Variants in RTN1 observed in about 807,000 individuals in gnomAD.
The protein encoded by RTN1 is reticulon 1.
In RTN1, 25 loss-of-function variants were observed where a neutral mutation model predicts 65.5. The ratio of observed to expected loss-of-function variants is 0.38; its 90% confidence interval spans 0.28 to 0.53. RTN1 has a LOEUF of 0.53. Ranked by LOEUF, RTN1 falls within the 20% of genes least tolerant of loss-of-function variation. The pLI is 0.79. For synonymous variants in RTN1, 471 were observed against 447.6 expected, an observed-to-expected ratio of 1.05 and a Z score of -0.66; for missense variants, 983 against 1,025.4, an observed-to-expected ratio of 0.96 and a Z score of 0.57.
At chr14:59,682,904 A>T (rs1229472212) in intron 3 of RTN1, among the ~76,000 whole-genome samples, 4 of 152,152 alleles carry the variant, frequency 2.6e-5, no homozygotes, top group African/African-American at 9.7e-5. Flanking sequence ...CTTACTTATG[A>T]GGTTATTCAG....
In RTN1 at chr14:59,646,384, A is replaced by G. The variant is rs529637901; in HGVS notation, c.1766-38892T>C. Among the ~76,000 whole-genome samples, 19 of 152,338 alleles carry G rather than the reference A, an allele frequency of 1.2e-4. No individual in the cohort carries two copies. The South Asian group carries it at 3.9e-3, about 32-fold the overall frequency. On this transcript the variant is annotated intron_variant, in intron 3 of 8. Coordinates refer to ENST00000267484, the MANE Select transcript of RTN1 (RefSeq NM_021136.3). ...GGGGAAAGCAAACAACTTGGAAAAC[A>G]TATTTCAGGATATCTTCTGTGAAAA...
chr14:59,767,555 C>G (rs559784256), intron 1 of RTN1, among the ~76,000 whole-genome samples: 1 of 152,130 alleles, frequency 6.6e-6, no homozygotes, highest in South Asian at 2.1e-4. Flanking sequence ...CTAACCAATA[C>G]AGCATGCAAA....
chr14:59,608,287 C>T (rs1264542853), intron 3 of RTN1, among the ~76,000 whole-genome samples: 1 of 152,152 alleles, frequency 6.6e-6, no homozygotes, highest in Non-Finnish European at 1.5e-5. Flanking sequence ...TGCAAAATTC[C>T]CATCTCACAA....
Position 59,727,309 on chromosome 14 carries a change from C to A in RTN1, c.1375G>T (p.Glu459Ter). Residue 459 changes from glutamate to a stop codon, truncating the protein, a stop_gained, in exon 3 of 9, where the codon GAG becomes TAG. Coordinates refer to ENST00000267484, the MANE Select transcript of RTN1 (RefSeq NM_021136.3). LOFTEE classifies it high-confidence loss of function. This position sits in a 1 kb window ranked among gnomAD's most constrained non-coding sequence, Gnocchi z 4.2. ...ATGAGCTCGCTGTCCAGCTCGGCCT[C>A]GCGCTCCTCCCTCAGGATGCTGTAC... ...IQYSILREER[E>*]AELDSELIIE... The A allele has an allele frequency of 6.7e-7, 1 of 1,494,718 alleles. No homozygotes were observed. The highest frequency in any genetic ancestry group is 8.9e-7 in the Non-Finnish European group (1 of 1,121,644). The allele number at this position is 1,494,718 out of a possible 1,614,324, so 92.6% of individuals were successfully genotyped here. A position where few individuals can be genotyped will look rare whatever the true frequency, so the allele number is the denominator to read the frequency against.
chr14:59,708,076 T>A (rs144132896), intron 3 of RTN1, among the ~76,000 whole-genome samples: 98 of 152,294 alleles, frequency 6.4e-4, no homozygotes, highest in Non-Finnish European at 1.2e-3. Context: ...AACATACAGA[T>A]GAAAAATGAA....
chr14:59,746,280 G>A lies in RTN1; in HGVS notation c.443C>T (p.Pro148Leu), dbSNP rs1566709310. 3.7e-6 allele frequency: 6 copies of A among 1,613,434 alleles called. No homozygotes were observed. The South Asian group carries it at 4.4e-5, about 12-fold the overall frequency. The stretch of plus-strand genomic sequence containing the variant: ...TATCCCAGGCACATCTGGTAAGGAG[G>A]GGCCGGGTGTACCCAGCTCCTCAGG... ...ESPEELGTPG[P>L]SLPDVPGIES... The change falls in exon 2 of 9, where the codon CCC becomes CTC. Residue 148 changes from proline to leucine, a missense_variant. Coordinates refer to ENST00000267484, the MANE Select transcript of RTN1 (RefSeq NM_021136.3).
intron 3 of RTN1, among the ~76,000 whole-genome samples, chr14:59,694,881 A>T (rs1884031055): frequency 6.6e-6 from 1 of 152,190 alleles, no homozygotes; most frequent in Non-Finnish European, 1.5e-5. Context: ...AGAAACTCAC[A>T]TATAAACTGG....
chr14:59,696,466 T>A (rs1227359907), intron 3 of RTN1, among the ~76,000 whole-genome samples: 1 of 98,574 alleles, frequency 1.0e-5, no homozygotes, highest in Non-Finnish European at 2.2e-5. Flanking sequence ...GGATTTTAAT[T>A]ACTTTTTTTT....
At chr14:59,609,214 G>A (rs1881866496) in intron 3 of RTN1, among the ~76,000 whole-genome samples, 1 of 151,920 alleles carries the variant, frequency 6.6e-6, no homozygotes, top group South Asian at 2.1e-4. Context: ...GAACCCAGGA[G>A]GCAGAGGTTG....
At chr14:59,796,360 C>T (rs554756263) in intron 1 of RTN1, among the ~76,000 whole-genome samples, 1 of 152,166 alleles carries the variant, frequency 6.6e-6, no homozygotes, top group Non-Finnish European at 1.5e-5. Flanking sequence ...AACGTAGCCC[C>T]GTGCTTAATG....
At position 59,749,350 on chromosome 14, in the gene RTN1, ATATATATC is replaced by A. The variant is rs1166941937; in HGVS notation, c.242-2877_242-2870del. Among the ~76,000 whole-genome samples, 436 of 67,414 alleles carry A rather than the reference ATATATATC, an allele frequency of 6.5e-3. 133 individuals are homozygous for A. The highest frequency in any genetic ancestry group is 0.044 in the African/African-American group (413 of 9,302). The allele number at this position is 67,414 out of a possible 152,430, so 44.2% of individuals were successfully genotyped here. Reference sequence around the variant, plus strand: ...TATCTATATATATCTATATATATCTATATATATCTATATATATATCTATATATCTATAT... The same window carrying A: ...TATCTATATATATCTATATATATCTATATATATATATCTATATATCTATAT... On this transcript the variant is annotated intron_variant, in intron 1 of 8. Transcript: ENST00000267484.
At chr14:59,842,041 G>A (rs1439952721) in intron 1 of RTN1, among the ~76,000 whole-genome samples, 2 of 151,126 alleles carry the variant, frequency 1.3e-5, no homozygotes, top group Admixed American at 1.3e-4. Flanking sequence ...CAAGAAAATC[G>A]CTTGAACCCG....
chr14:59,745,452 T>A (rs558144896), intron 2 of RTN1, among the ~76,000 whole-genome samples: 1 of 151,400 alleles, frequency 6.6e-6, no homozygotes, highest in Non-Finnish European at 1.5e-5. Flanking sequence ...ACATCTCCCC[T>A]CAAATAAAGA....
chr14:59,611,982 G>A (rs1366966880), intron 3 of RTN1, among the ~76,000 whole-genome samples: 1 of 152,152 alleles, frequency 6.6e-6, no homozygotes, highest in Non-Finnish European at 1.5e-5. Context: ...GTGACTATCT[G>A]CTTTTTGCCT....
At chr14:59,740,178 TATC>T (rs61042105) in intron 2 of RTN1, among the ~76,000 whole-genome samples, 16,219 of 152,214 alleles carry the variant, frequency 0.11, 950 homozygotes, top group South Asian at 0.26. Context: ...GTTTGTTCAT[TATC>T]ATATCCTTGC....
At chr14:59,719,731 A>G (rs925537709) in intron 3 of RTN1, among the ~76,000 whole-genome samples, 4 of 152,222 alleles carry the variant, frequency 2.6e-5, no homozygotes, top group African/African-American at 9.6e-5. Flanking sequence ...CCCAGACTTC[A>G]GAGGGAAGTA....
chr14:59,673,958 A>G (rs1883565894), intron 3 of RTN1, among the ~76,000 whole-genome samples: 1 of 152,302 alleles, frequency 6.6e-6, no homozygotes, highest in African/African-American at 2.4e-5. Context: ...ATATATCCCT[A>G]GTTTTACTTG....
At chr14:59,720,770 T>C (rs1290045338) in intron 3 of RTN1, among the ~76,000 whole-genome samples, 2 of 151,234 alleles carry the variant, frequency 1.3e-5, no homozygotes, top group Non-Finnish European at 2.9e-5. Context: ...TGTCTCCATC[T>C]AAGTATTTCC....
chr14:59,762,670 GT>G (rs1885773628), intron 1 of RTN1, among the ~76,000 whole-genome samples: 1 of 152,196 alleles, frequency 6.6e-6, no homozygotes, highest in African/African-American at 2.4e-5. Context: ...TAATGAAGCA[GT>G]AAAGTAGAAA....
Sources: gnomAD v4.1 joint callset for allele counts (sites outside exome capture counted in the v4.1 genomes callset) on GRCh38, gnomAD v4.1.1 for gene constraint, Gnocchi (gnomAD v3.1) non-coding constraint, MANE v1.5 for transcripts, NCBI Gene and HGNC (gene_info 2026-07-23, HGNC 2026-07-21) for gene names.